Variants in PKD1L1 observed in about 807,000 individuals in gnomAD.
PKD1L1 encodes polycystin 1 like 1, transient receptor potential channel interacting, also known as polycystin-1-like protein 1.
Under a neutral mutation model 323.4 loss-of-function variants are expected in PKD1L1, and 236 were observed. The observed-to-expected ratio is 0.73, with a 90% CI of 0.66 to 0.81. The LOEUF (loss-of-function observed/expected upper bound fraction) is 0.81, where lower values mean the gene tolerates loss of function less well. Among genes scored for constraint, PKD1L1 ranks in the 40% least tolerant of loss-of-function variants. The pLI is 0.00. For missense variants in PKD1L1, 3,320 were observed against 3,508.0 expected, an observed-to-expected ratio of 0.95 and a Z score of 1.35; for synonymous variants, 1,344 against 1,335.0, an observed-to-expected ratio of 1.01 and a Z score of -0.15.
At chr7:47,864,685 T>G in intron 26 of PKD1L1, among the ~76,000 whole-genome samples, 2 of 36,116 alleles carry the variant, frequency 5.5e-5, no homozygotes, top group East Asian at 7.0e-4. Context: ...TTCCCCTCCC[T>G]CCCTCCCCTC....
chr7:47,787,847 G>A (rs1584943036), intron 56 of PKD1L1, among the ~76,000 whole-genome samples: 1 of 152,116 alleles, frequency 6.6e-6, no homozygotes, highest in East Asian at 1.9e-4. Flanking sequence ...AAGTAGCTGG[G>A]ACTAGAGGTG....
intron 8 of PKD1L1, among the ~76,000 whole-genome samples, chr7:47,910,959 C>T (rs182008748): frequency 1.3e-4 from 20 of 152,110 alleles, no homozygotes; most frequent in Non-Finnish European, 2.6e-4. Context: ...GCTGGGATTA[C>T]AGGCATGAAC....
At position 47,946,984 on chromosome 7, in the gene PKD1L1, A is replaced by G. The variant is rs1225072128; in HGVS notation, c.44+1413T>C. Among the ~76,000 whole-genome samples, 1 of 152,178 alleles carries G rather than the reference A, an allele frequency of 6.6e-6. No homozygotes were observed. Among genetic ancestry groups the G allele is most frequent in the East Asian group, 1.9e-4 (1 of 5,200 alleles). On this transcript the variant is annotated intron_variant, in intron 1 of 56. Coordinates refer to ENST00000289672, the MANE Select transcript of PKD1L1 (RefSeq NM_138295.5). The surrounding 1 kb of genome is among the most constrained non-coding windows in gnomAD (Gnocchi z 4.1). ...AGGGGTAATTCCTTGCAATTCCCTG[A>G]CTGATAAGAGTGAAGGTCAAATTGG...
chr7:47,875,263 C>T (rs887243890), intron 23 of PKD1L1, among the ~76,000 whole-genome samples: 4 of 152,186 alleles, frequency 2.6e-5, no homozygotes, highest in African/African-American at 9.7e-5. Context: ...GTGTTTCTAA[C>T]TGAAGGTGAC....
At chr7:47,857,348 G>A (rs1002079233) in intron 28 of PKD1L1, among the ~76,000 whole-genome samples, 1 of 152,170 alleles carries the variant, frequency 6.6e-6, no homozygotes, top group African/African-American at 2.4e-5. Flanking sequence ...AAGGCCTCAA[G>A]GAAACAGTGA....
intron 13 of PKD1L1, among the ~76,000 whole-genome samples, chr7:47,898,563 T>C (rs544891923): frequency 6.6e-6 from 1 of 152,124 alleles, no homozygotes. Flanking sequence ...TTTTGGCACC[T>C]ATGTGTATAT....
At chr7:47,894,254 C>T (rs17131917) in intron 14 of PKD1L1, among the ~76,000 whole-genome samples, 195 bp from the exon 15 acceptor site, 1 of 152,174 alleles carries the variant, frequency 6.6e-6, no homozygotes, top group African/African-American at 2.4e-5. Context: ...GTCCACGAGA[C>T]CATGGACATC....
In PKD1L1 at chr7:47,929,414, G is replaced by A. The variant is rs769846636; in HGVS notation, c.850C>T (p.Arg284Ter). ...TQHPPVAILA[R>*]NSDNFMNPVL... ...GGGTTCATGAAGTTATCAGAATTTC[G>A]AGCTAGGATGGCCACAGGAGGATGC... The change falls in exon 7 of 57, where the codon CGA becomes TGA. Residue 284 changes from arginine to a stop codon, truncating the protein, a stop_gained. Transcript: ENST00000289672. LOFTEE classifies it high-confidence loss of function. 9 of 1,614,056 alleles carry A rather than the reference G, an allele frequency of 5.6e-6. No individual in the cohort carries two copies. The Admixed American group carries it at 8.3e-5, about 15-fold the overall frequency.
intron 46 of PKD1L1, chr7:47,819,539 C>G (rs779549086): frequency 1.5e-6 from 2 of 1,359,826 alleles, no homozygotes; most frequent in East Asian, 4.7e-5. Context: ...TGCACTTGCA[C>G]GGATAGGAGA....
chr7:47,826,249 G>C (rs569833216), intron 45 of PKD1L1, among the ~76,000 whole-genome samples: 77 of 152,320 alleles, frequency 5.1e-4, no homozygotes, highest in Non-Finnish European at 8.8e-4. Context: ...CCCCACCTGA[G>C]TGCCTTTGGA....
chr7:47,872,252 C>G (rs1443306730), intron 24 of PKD1L1, among the ~76,000 whole-genome samples: 1 of 152,150 alleles, frequency 6.6e-6, no homozygotes, highest in African/African-American at 2.4e-5. Flanking sequence ...AAGCCATTGT[C>G]CCATGCCTGT....
chr7:47,948,976 A>AAAACC (rs1788158108), upstream of PKD1L1, among the ~76,000 whole-genome samples: 2 of 152,162 alleles, frequency 1.3e-5, no homozygotes, highest in African/African-American at 4.8e-5. Flanking sequence ...AAAACAAAAC[A>AAAACC]AAAGTGTGTT....
intron 56 of PKD1L1, among the ~76,000 whole-genome samples, chr7:47,790,969 C>T (rs1786931320): frequency 6.6e-6 from 1 of 152,090 alleles, no homozygotes; most frequent in African/African-American, 2.4e-5. Context: ...CTCCTGGGCT[C>T]AAGTGATCCT....
chr7:47,853,766 CAAAAAAA>C (rs58842095), intron 30 of PKD1L1, among the ~76,000 whole-genome samples: 1 of 108,194 alleles, frequency 9.2e-6, no homozygotes, highest in African/African-American at 3.7e-5. Context: ...ACAAACAAAC[CAAAAAAA>C]AAAAAAAAAA....
chr7:47,887,924 A>G, intron 17 of PKD1L1, 66 bp downstream of exon 17: 2 of 1,484,212 alleles, frequency 1.3e-6, no homozygotes, highest in Non-Finnish European at 9.2e-7. Flanking sequence ...GCAACATTTT[A>G]GCAATCTCAC....
At chr7:47,845,265 G>A (rs1340936062) in intron 32 of PKD1L1, among the ~76,000 whole-genome samples, 187 bp from the exon 33 acceptor site, 1 of 152,232 alleles carries the variant, frequency 6.6e-6, no homozygotes, top group Non-Finnish European at 1.5e-5. Context: ...CTTCTGATGT[G>A]CCAGAGTTCT....
chr7:47,892,567 G>T (rs1257865112), intron 15 of PKD1L1, among the ~76,000 whole-genome samples: 1 of 152,138 alleles, frequency 6.6e-6, no homozygotes, highest in Non-Finnish European at 1.5e-5. Context: ...GAGGTTGGGA[G>T]GTGGGTGAGG....
At chr7:47,815,116 G>A (rs576094431) in intron 47 of PKD1L1, among the ~76,000 whole-genome samples, 7 of 152,276 alleles carry the variant, frequency 4.6e-5, no homozygotes, top group South Asian at 2.1e-4. Flanking sequence ...GGAGAATCCC[G>A]TGCAGCTCAG....
chr7:47,933,432 T>C (rs1787809684), intron 4 of PKD1L1, among the ~76,000 whole-genome samples: 1 of 152,162 alleles, frequency 6.6e-6, no homozygotes, highest in Non-Finnish European at 1.5e-5. Flanking sequence ...ACTTCCCCAT[T>C]CTGCGGTGCT....
Sources: gnomAD v4.1 joint callset for allele counts (sites outside exome capture counted in the v4.1 genomes callset) on GRCh38, gnomAD v4.1.1 for gene constraint, Gnocchi (gnomAD v3.1) non-coding constraint, MANE v1.5 for transcripts, NCBI Gene and HGNC (gene_info 2026-07-23, HGNC 2026-07-21) for gene names.